TRIM67: variants seen among roughly 807,000 people sequenced by gnomAD.
TRIM67 encodes tripartite motif containing 67, also known as tripartite motif-containing protein 67.
Under a neutral mutation model 71.0 loss-of-function variants are expected in TRIM67, and 39 were observed. The ratio of observed to expected loss-of-function variants is 0.55; its 90% CI spans 0.43 to 0.72. The LOEUF is 0.72. Among genes scored for constraint, TRIM67 ranks in the 30% least tolerant of loss-of-function variants. The pLI is 0.00. For missense variants in TRIM67, 973 were observed against 1,079.2 expected (o/e 0.90, Z 1.38); for synonymous variants, 481 against 473.9 (o/e 1.01, Z -0.19).
intron 1 of TRIM67, among the ~76,000 whole-genome samples, chr1:231,183,205 G>A (rs1174479490): frequency 6.6e-6 from 1 of 152,172 alleles, no homozygotes; most frequent in Non-Finnish European, 1.5e-5. Context: ...TAGCATAGCT[G>A]TCTTTGCATT....
intron 1 of TRIM67, among the ~76,000 whole-genome samples, chr1:231,191,050 G>A (rs1424287992): frequency 2.0e-5 from 3 of 152,222 alleles, no homozygotes; most frequent in African/African-American, 4.8e-5. Flanking sequence ...GGACGCTAGG[G>A]AAGTTATATT....
intron 1 of TRIM67, among the ~76,000 whole-genome samples, chr1:231,189,137 G>A (rs746232347): frequency 1.4e-4 from 21 of 152,152 alleles, no homozygotes; most frequent in Admixed American, 2.0e-4. Context: ...CTGGGGATGC[G>A]ACACTGGATA....
rs372931843 is a variant in TRIM67 at position 231,199,114 on chromosome 1, G to A, written c.1208G>A (p.Arg403His). 3.8e-5 allele frequency: 62 copies of A among 1,613,796 alleles called. No homozygotes were observed. Among genetic ancestry groups the A allele is most frequent in the African/African-American group, 8.0e-5 (6 of 74,864 alleles). Residue 403 changes from arginine (R) to histidine (H), a missense_variant, in exon 3 of 10, where the codon CGT (arginine) becomes CAT (histidine). Physicochemically the swap from Arg to His is conservative, Grantham distance 29. Transcript: ENST00000366653. ...QCDALVDALT[R>H]QKAKLLTKVT... Reference sequence around the variant, plus strand: ...GATGCCCTTGTGGATGCTTTAACTCGTCAGAAAGCCAAGCTGCTCACCAAG... The same window carrying A: ...GATGCCCTTGTGGATGCTTTAACTCATCAGAAAGCCAAGCTGCTCACCAAG...
chr1:231,182,101 C>G (rs915244088), intron 1 of TRIM67, among the ~76,000 whole-genome samples: 7 of 152,176 alleles, frequency 4.6e-5, no homozygotes, highest in African/African-American at 1.7e-4. Context: ...TATTTCATAT[C>G]AGGTGCAAAG....
At position 231,219,242 on chromosome 1, in the gene TRIM67, A is replaced by G. The variant is rs1316961701; in HGVS notation, c.*3802A>G. On this transcript the variant is annotated 3_prime_UTR_variant, in exon 10 of 10. Transcript: ENST00000366653. ...TGTATGCCGTAGGATGTTTAGCAAC[A>G]TCCCTGGTCTCTACCCATCATCTGC... 1.0e-5 allele frequency: 10 copies of G among 982,480 alleles called. No homozygotes were observed. The Admixed American group carries it at 4.9e-4, about 48-fold the overall frequency. The allele number at this position is 982,480 out of a possible 1,614,324, so 60.9% of individuals were successfully genotyped here.
Position 231,217,158 on chromosome 1 carries a change from C to G in TRIM67, c.*1718C>G. ...ACAATCCTACCTCAAAGCTCATGCT[C>G]TTGGTCTGCAAGGCTGCTTGGTCCG... is the stretch of plus-strand genomic sequence containing the variant. On this transcript the variant is annotated 3_prime_UTR_variant, in exon 10 of 10. Coordinates refer to ENST00000366653, the MANE Select transcript of TRIM67 (RefSeq NM_001004342.5). The G allele has an allele frequency of 1.0e-6, 1 of 986,012 alleles. No homozygotes were observed. The highest frequency in any genetic ancestry group is 1.2e-6 in the Non-Finnish European group (1 of 830,036). 61.1% of individuals were successfully genotyped at this position (986,012 alleles called of 1,614,324 possible).
chr1:231,210,335 C>T lies in TRIM67; in HGVS notation c.2123+1085C>T, dbSNP rs116024799. On this transcript the variant is annotated intron_variant, in intron 8 of 9. Transcript: ENST00000366653. ...TATAACAGCCCCTGGGGCACCTTCCCGCAGAGGAAGGACCAGCTTCTTCTT... is the reference window on the plus strand; with the variant it reads ...TATAACAGCCCCTGGGGCACCTTCCTGCAGAGGAAGGACCAGCTTCTTCTT... Among the ~76,000 whole-genome samples, 1,189 of 152,200 alleles carry T rather than the reference C, an allele frequency of 7.8e-3. 3 individuals are homozygous for T. The highest frequency in any genetic ancestry group is 0.013 in the Non-Finnish European group (891 of 68,014).
At chr1:231,176,836 C>T (rs1387173071) in intron 1 of TRIM67, among the ~76,000 whole-genome samples, 7 of 140,370 alleles carry the variant, frequency 5.0e-5, no homozygotes, top group Non-Finnish European at 1.0e-4. Context: ...ACAGGAATAG[C>T]CAGGCTATAA....
At chr1:231,188,543 T>C (rs1164123597) in intron 1 of TRIM67, among the ~76,000 whole-genome samples, 1 of 152,202 alleles carries the variant, frequency 6.6e-6, no homozygotes, top group African/African-American at 2.4e-5. Flanking sequence ...GGTTTTGTCC[T>C]CCTTCCACGT....
At chr1:231,200,326 C>A in intron 4 of TRIM67, 68 bp downstream of exon 4, 1 of 1,027,680 alleles carries the variant, frequency 9.7e-7, no homozygotes, top group Non-Finnish European at 1.5e-6. Context: ...CAAATCAGCC[C>A]AAGTTCTAGG....
At chr1:231,206,889 T>TGGGGGG in intron 7 of TRIM67, 99 bp downstream of exon 7, 1 of 1,255,688 alleles carries the variant, frequency 8.0e-7, no homozygotes, top group Non-Finnish European at 1.1e-6. Flanking sequence ...GGGGTAGGGG[T>TGGGGGG]GGGGGGTGGT....
At chr1:231,194,651 G>A (rs1183709384) in intron 1 of TRIM67, among the ~76,000 whole-genome samples, 2 of 152,118 alleles carry the variant, frequency 1.3e-5, no homozygotes, top group African/African-American at 2.4e-5. Context: ...CATGTGCAAG[G>A]CGATCAGTAA....
At chr1:231,206,154 A>G (rs546719205) in intron 6 of TRIM67, among the ~76,000 whole-genome samples, 2 of 151,978 alleles carry the variant, frequency 1.3e-5, no homozygotes, top group South Asian at 4.2e-4. Context: ...TTGGCTGGGC[A>G]TGGTTGCTCA....
chr1:231,202,104 G>A (rs1683551390), intron 5 of TRIM67, among the ~76,000 whole-genome samples: 3 of 136,054 alleles, frequency 2.2e-5, no homozygotes, highest in Non-Finnish European at 3.3e-5. Context: ...AATGGAGGAG[G>A]AGGAGGAGGT....
chr1:231,162,860 C>A lies in TRIM67; in HGVS notation c.-110C>A, dbSNP rs1032684258. 7.0e-7 allele frequency: 1 copy of A among 1,431,788 alleles called. No individual in the cohort carries two copies. The highest frequency in any genetic ancestry group is 1.4e-5 in the African/African-American group (1 of 70,164). The allele number at this position is 1,431,788 out of a possible 1,614,324, so 88.7% of individuals were successfully genotyped here. On this transcript the variant is annotated 5_prime_UTR_variant, in exon 1 of 10. Coordinates refer to ENST00000366653, the MANE Select transcript of TRIM67 (RefSeq NM_001004342.5). ...GTGAAGTGGGCATGCCCGTGTGATGCCCCCGCCCGTCGTCTCACCGGGGCG... is the reference window on the plus strand; with the variant it reads ...GTGAAGTGGGCATGCCCGTGTGATGACCCCGCCCGTCGTCTCACCGGGGCG...
At chr1:231,176,578 G>A (rs956402307) in intron 1 of TRIM67, among the ~76,000 whole-genome samples, 4 of 152,194 alleles carry the variant, frequency 2.6e-5, no homozygotes, top group Admixed American at 6.5e-5. Flanking sequence ...TTATCTGCTG[G>A]TAGAGTGCCA....
chr1:231,206,616 T>C (rs1026013000), intron 6 of TRIM67, 36 bp from the exon 7 acceptor site: 2 of 1,523,772 alleles, frequency 1.3e-6, no homozygotes, highest in East Asian at 2.4e-5. Flanking sequence ...TTCCAAATGC[T>C]AGAGGAGCCT....
Position 231,163,919 on chromosome 1 carries a change from G to T in TRIM67, c.950G>T (p.Ser317Ile). ...GAGAACTACAGCATGTACTGCGTGAGCTGTCGAACCCCGGTGTGTTATCTG... is the reference window on the plus strand; with the variant it reads ...GAGAACTACAGCATGTACTGCGTGATCTGTCGAACCCCGGTGTGTTATCTG... ...EMENYSMYCV[S>I]CRTPVCYLCL... The change falls in exon 1 of 10, where the codon AGC (serine) becomes ATC (isoleucine). Residue 317 changes from serine (S) to isoleucine (I), a missense_variant. Ser to Ile is a moderately radical substitution (Grantham distance 142, BLOSUM62 -2). This residue lies in a region of TRIM67 where 795 missense variants were observed against 831.3 expected (regional missense o/e 0.96). Transcript: ENST00000366653. The T allele has an allele frequency of 6.3e-7, 1 of 1,587,202 alleles. No homozygotes were observed. The highest frequency in any genetic ancestry group is 8.6e-7 in the Non-Finnish European group (1 of 1,167,298).
intron 7 of TRIM67, among the ~76,000 whole-genome samples, chr1:231,208,009 CTTTT>C (rs796809572): frequency 7.6e-6 from 1 of 132,106 alleles, no homozygotes; most frequent in Admixed American, 7.6e-5. Context: ...TCCTCCTGTA[CTTTT>C]TTTTTTTTTT....
Sources: allele counts gnomAD v4.1 joint callset (sites outside exome capture counted in the v4.1 genomes callset), GRCh38; gene constraint gnomAD v4.1.1; regional missense constraint gnomAD v4.1.1; transcripts MANE v1.5; gene names NCBI Gene and HGNC (gene_info 2026-07-23, HGNC 2026-07-21).